The following ZNF488 variants were observed in gnomAD, a reference collection of about 807,000 sequenced individuals.
ZNF488 encodes zinc finger protein 488.
In ZNF488, 1 loss-of-function variant was observed where a neutral mutation model predicts 1.2. That is an observed-to-expected ratio of 0.86 (90% CI 0.30 to 4.07). The LOEUF is 4.07. Among genes scored for constraint, ZNF488 ranks in the 30% most tolerant of loss-of-function variants. The probability of loss-of-function intolerance (pLI) is 0.18; values close to 1 mark genes in which losing one functional copy is unlikely to be tolerated. For synonymous variants in ZNF488, 185 were observed against 190.1 expected, an observed-to-expected ratio of 0.97 and a Z score of 0.22; for missense variants, 450 against 437.9, an observed-to-expected ratio of 1.03 and a Z score of -0.25.
In ZNF488 at chr10:47,365,910, G is replaced by C. The variant is rs1326534881; in HGVS notation, c.*1897C>G. On this transcript the variant is annotated 3_prime_UTR_variant, in exon 2 of 2. Transcript: ENST00000585316. ...GAACAGCAGCGAGGTGGTATAGCGG[G>C]GTCCCCTCTGCCCACTGCCACCTGT... The C allele has an allele frequency of 6.0e-6, 1 of 167,158 alleles. No individual in the cohort carries two copies. The highest frequency in any genetic ancestry group is 2.4e-5 in the African/African-American group (1 of 41,452). The allele number at this position is 167,158 out of a possible 1,614,324, so 10.4% of individuals were successfully genotyped here.
intron 1 of ZNF488, among the ~76,000 whole-genome samples, chr10:47,377,625 C>T (rs555474845): frequency 1.7e-4 from 25 of 150,294 alleles, no homozygotes; most frequent in African/African-American, 6.1e-4. Context: ...CACACACACA[C>T]ACACACACAC....
intron 1 of ZNF488, among the ~76,000 whole-genome samples, chr10:47,379,155 G>T (rs942747141): frequency 3.8e-5 from 5 of 130,374 alleles, no homozygotes; most frequent in African/African-American, 1.2e-4. Flanking sequence ...TATCAGAATA[G>T]AAGTTACCAT....
At chr10:47,383,126 G>A (rs1555215747) in intron 1 of ZNF488, among the ~76,000 whole-genome samples, 1 of 151,472 alleles carries the variant, frequency 6.6e-6, no homozygotes, top group Non-Finnish European at 1.5e-5. Flanking sequence ...TCTAGAGTTC[G>A]TCCCTTATGC....
chr10:47,377,931 G>A (rs1242587902), intron 1 of ZNF488, among the ~76,000 whole-genome samples: 1 of 152,142 alleles, frequency 6.6e-6, no homozygotes, highest in African/African-American at 2.4e-5. Context: ...GCCACTTCAG[G>A]CACCTGGGGA....
Position 47,368,694 on chromosome 10 carries a change from T to TGCAGCCCCGGCCCAGCTCAGGTTC in ZNF488, c.112_135dup (p.Glu38_Cys45dup), listed in dbSNP as rs1837339125. 9 of 1,612,708 alleles carry TGCAGCCCCGGCCCAGCTCAGGTTC rather than the reference T, an allele frequency of 5.6e-6. No homozygotes were observed. The highest frequency in any genetic ancestry group is 6.8e-6 in the Non-Finnish European group (8 of 1,180,046). On this transcript the variant is annotated inframe_insertion, in exon 2 of 2. Transcript: ENST00000585316. ...TTCGTCTTCTCGAGCAGCACTGGCT[T>TGCAGCCCCGGCCCAGCTCAGGTTC]GCAGCCCCGGCCCAGCTCAGGTTCG...
chr10:47,369,211 T>C (rs1376446123), intron 1 of ZNF488, among the ~76,000 whole-genome samples: 1 of 152,140 alleles, frequency 6.6e-6, no homozygotes, highest in African/African-American at 2.4e-5. Context: ...AACGTAGGAT[T>C]CCCCTGTCAA....
chr10:47,372,777 C>T (rs1555214018), intron 1 of ZNF488, among the ~76,000 whole-genome samples: 1 of 152,190 alleles, frequency 6.6e-6, no homozygotes, highest in Non-Finnish European at 1.5e-5. Context: ...ATCAGGAGAG[C>T]ACCGACCTCG....
rs559040057 is a variant in ZNF488, at chr10:47,371,175, C to T, written c.-108-2238G>A. ...CTGGGGAACTGAGCCTAACATAGTTCTGCAGTGGGAGAGTGCCCGGGGAGG... is the reference window on the plus strand; with the variant it reads ...CTGGGGAACTGAGCCTAACATAGTTTTGCAGTGGGAGAGTGCCCGGGGAGG... On this transcript the variant is annotated intron_variant, in intron 1 of 1. Transcript: ENST00000585316. Among the ~76,000 whole-genome samples the T allele has an allele frequency of 4.7e-4, 72 of 152,290 alleles. 1 individual carries two copies. In the South Asian group the frequency reaches 0.015, roughly 31 times the overall value.
intron 1 of ZNF488, among the ~76,000 whole-genome samples, chr10:47,373,184 A>G (rs138476309): frequency 1.4e-3 from 206 of 152,348 alleles, no homozygotes; most frequent in African/African-American, 4.9e-3. Flanking sequence ...GCATGTGGCA[A>G]AAGTTAGACA....
At chr10:47,372,229 T>G (rs1555213924) in intron 1 of ZNF488, among the ~76,000 whole-genome samples, 1 of 152,082 alleles carries the variant, frequency 6.6e-6, no homozygotes. Context: ...AGAATGCATG[T>G]GGAGTTCAGA....
intron 1 of ZNF488, among the ~76,000 whole-genome samples, chr10:47,377,306 G>A (rs1837713798): frequency 6.6e-6 from 1 of 152,138 alleles, no homozygotes. Context: ...GCCTGGTACT[G>A]GAACTCTCTG....
chr10:47,375,732 C>G (rs1256076798), intron 1 of ZNF488, among the ~76,000 whole-genome samples: 1 of 152,154 alleles, frequency 6.6e-6, no homozygotes, highest in Non-Finnish European at 1.5e-5. Context: ...ATGAAAATAT[C>G]ACCCAAAATC....
chr10:47,369,429 G>A (rs1450284029), intron 1 of ZNF488, among the ~76,000 whole-genome samples: 1 of 152,178 alleles, frequency 6.6e-6, no homozygotes, highest in Non-Finnish European at 1.5e-5. Context: ...TGAGTGCTGA[G>A]GGCACAGGGA....
At chr10:47,373,639 A>G (rs1555214108) in intron 1 of ZNF488, among the ~76,000 whole-genome samples, 1 of 152,228 alleles carries the variant, frequency 6.6e-6, no homozygotes, top group Non-Finnish European at 1.5e-5. Context: ...AGGGACAGGA[A>G]CAAAATGTAC....
Position 47,365,580 on chromosome 10 carries a change from C to G in ZNF488, c.*2227G>C, listed in dbSNP as rs1837187456. 6.0e-6 allele frequency: 1 copy of G among 167,176 alleles called. No individual in the cohort carries two copies. The highest frequency in any genetic ancestry group is 1.5e-5 in the Non-Finnish European group (1 of 68,154). 10.4% of individuals were successfully genotyped at this position (167,176 alleles called of 1,614,324 possible). On this transcript the variant is annotated 3_prime_UTR_variant, in exon 2 of 2. Coordinates refer to ENST00000585316, the MANE Select transcript of ZNF488 (RefSeq NM_153034.4). ...GGATGCACAGTAAACAAACCAATCT[C>G]TGTTCCCAAGGAGCTGACAGTGTGG...
chr10:47,376,684 T>G (rs1837693261), intron 1 of ZNF488, among the ~76,000 whole-genome samples: 1 of 152,184 alleles, frequency 6.6e-6, no homozygotes, highest in Non-Finnish European at 1.5e-5. Flanking sequence ...AGTCACACTA[T>G]GCCCAGCCTT....
chr10:47,381,626 G>T (rs1376802814), intron 1 of ZNF488, among the ~76,000 whole-genome samples: 5 of 151,724 alleles, frequency 3.3e-5, no homozygotes, highest in African/African-American at 1.2e-4. Context: ...AATGCCTGCT[G>T]CATTCGAGGA....
At chr10:47,384,183 G>C (rs919645382) in intron 1 of ZNF488, 37 bp downstream of exon 1, 2 of 153,584 alleles carry the variant, frequency 1.3e-5, no homozygotes, top group African/African-American at 2.4e-5. Flanking sequence ...GCGCCCGCTC[G>C]CGGCTCTGTC....
At chr10:47,371,354 A>G (rs529633377) in intron 1 of ZNF488, among the ~76,000 whole-genome samples, 1 of 152,238 alleles carries the variant, frequency 6.6e-6, no homozygotes, top group South Asian at 2.1e-4. Flanking sequence ...TTGTAAAACA[A>G]AACAGGAAAA....
Sources: gnomAD v4.1 joint callset for allele counts (sites outside exome capture counted in the v4.1 genomes callset) on GRCh38, gnomAD v4.1.1 for gene constraint, MANE v1.5 for transcripts, NCBI Gene and HGNC (gene_info 2026-07-23, HGNC 2026-07-21) for gene names.